Variants in HTR1F observed in about 807,000 individuals in gnomAD.
HTR1F encodes 5-hydroxytryptamine receptor 1F.
In HTR1F, 17 loss-of-function variants were observed where a neutral mutation model predicts 24.0. That is an observed-to-expected ratio of 0.71 (90% confidence interval 0.48 to 1.06). The LOEUF (loss-of-function observed/expected upper bound fraction) is 1.06, where lower values mean the gene tolerates loss of function less well. HTR1F is among the 50% of genes least tolerant of loss of function. The pLI is 0.00. For synonymous variants in HTR1F, 186 were observed against 156.8 expected (o/e 1.19, Z -1.39); for missense variants, 391 against 427.8 (o/e 0.91, Z 0.76).
intron 1 of HTR1F, among the ~76,000 whole-genome samples, chr3:87,813,847 T>G (rs1258973541): frequency 6.6e-6 from 1 of 152,182 alleles, no homozygotes; most frequent in Non-Finnish European, 1.5e-5. Flanking sequence ...AGGATATACC[T>G]GCTTCCCCTT....
intron 1 of HTR1F, among the ~76,000 whole-genome samples, chr3:87,810,791 T>G (rs1704147198): frequency 1.3e-5 from 2 of 152,114 alleles, no homozygotes; most frequent in African/African-American, 4.8e-5. Flanking sequence ...ATCTTGAAAA[T>G]ATGTATGTTC....
At chr3:87,948,543 A>G (rs772440148) in intron 2 of HTR1F, among the ~76,000 whole-genome samples, 1 of 151,610 alleles carries the variant, frequency 6.6e-6, no homozygotes, top group Non-Finnish European at 1.5e-5. Context: ...GTGCAGTCGC[A>G]TAGTCACAGC....
chr3:87,930,680 C>G (rs569263199), intron 2 of HTR1F, among the ~76,000 whole-genome samples: 1 of 152,136 alleles, frequency 6.6e-6, no homozygotes, highest in East Asian at 1.9e-4. Flanking sequence ...CTTCTGGATT[C>G]AGCTTGCCAG....
intron 2 of HTR1F, among the ~76,000 whole-genome samples, chr3:87,844,333 G>C (rs1311326161): frequency 6.9e-6 from 1 of 144,262 alleles, no homozygotes; most frequent in East Asian, 2.0e-4. Flanking sequence ...CTTCTTTTGA[G>C]AAGTGTCTGT....
At chr3:87,912,134 T>TGGCAAACA (rs1703791633) in intron 2 of HTR1F, among the ~76,000 whole-genome samples, 1 of 151,978 alleles carries the variant, frequency 6.6e-6, no homozygotes, top group Non-Finnish European at 1.5e-5. Context: ...TATCCCTGTT[T>TGGCAAACA]GCCAATGACA....
intron 2 of HTR1F, among the ~76,000 whole-genome samples, chr3:87,965,930 A>C (rs1443589980): frequency 2.0e-5 from 3 of 152,180 alleles, no homozygotes; most frequent in African/African-American, 7.2e-5. Context: ...TGGCCTATTA[A>C]ATTCTTTACT....
At chr3:87,907,138 T>C (rs1703683963) in intron 2 of HTR1F, among the ~76,000 whole-genome samples, 5 of 152,092 alleles carry the variant, frequency 3.3e-5, no homozygotes, top group Admixed American at 3.3e-4. Context: ...GTTGTACTAG[T>C]TTACATTCCC....
chr3:87,946,611 GTA>G (rs1178082807), intron 2 of HTR1F, among the ~76,000 whole-genome samples: 100 of 129,924 alleles, frequency 7.7e-4, no homozygotes, highest in African/African-American at 2.2e-3. Flanking sequence ...GTGTGTGTGT[GTA>G]TATATATATA....
chr3:87,915,654 CAAAG>C (rs2107361670), intron 2 of HTR1F, among the ~76,000 whole-genome samples: 1 of 151,844 alleles, frequency 6.6e-6, no homozygotes, highest in African/African-American at 2.4e-5. Context: ...CCAACAAAGA[CAAAG>C]AAAAAAGAAT....
intron 2 of HTR1F, among the ~76,000 whole-genome samples, chr3:87,905,125 T>C (rs1703631583): frequency 6.6e-6 from 1 of 151,620 alleles, no homozygotes. Context: ...CTGAGCAACA[T>C]AGCAAAACCC....
At chr3:87,793,734 G>C (rs943234032) in intron 1 of HTR1F, 2 of 152,182 alleles carry the variant, frequency 1.3e-5, no homozygotes, top group African/African-American at 2.4e-5. Flanking sequence ...TGGGGCCCTG[G>C]ATGAGAGAGC....
At chr3:87,824,597 T>G (rs778600835) in intron 2 of HTR1F, among the ~76,000 whole-genome samples, 5 of 152,190 alleles carry the variant, frequency 3.3e-5, no homozygotes, top group Admixed American at 6.5e-5. Context: ...ACCTTGTGAA[T>G]GAAAGAATGA....
Position 87,850,251 on chromosome 3 carries a change from A to C in HTR1F, c.-43+28127A>C, listed in dbSNP as rs918723446. Among the ~76,000 whole-genome samples, 22 of 152,138 alleles carry C rather than the reference A, an allele frequency of 1.4e-4. No homozygotes were observed. The Middle Eastern group carries it at 0.014, about 94-fold the overall frequency. ...AGACTGGACTAAGAAAATGTGGCAC[A>C]TATACACCATGGAATACTATGCAGC... is the stretch of plus-strand genomic sequence containing the variant. On this transcript the variant is annotated intron_variant, in intron 2 of 2. Transcript: ENST00000319595.
At chr3:87,901,673 C>A (rs1346724730) in intron 2 of HTR1F, among the ~76,000 whole-genome samples, 1 of 151,794 alleles carries the variant, frequency 6.6e-6, no homozygotes, top group Non-Finnish European at 1.5e-5. Context: ...TATAATTGTT[C>A]CTTAATATTA....
chr3:87,885,870 C>T (rs1368795098), intron 2 of HTR1F, among the ~76,000 whole-genome samples: 2 of 151,998 alleles, frequency 1.3e-5, no homozygotes. Context: ...CCAAAAAAAG[C>T]CCAGGACCAG....
In HTR1F at chr3:87,939,209, C is replaced by T. The variant is rs546825965; in HGVS notation, c.-42-51499C>T. Among the ~76,000 whole-genome samples the T allele has an allele frequency of 1.2e-4, 19 of 152,280 alleles. No homozygotes were observed. In the East Asian group the frequency reaches 3.7e-3, roughly 29 times the overall value. Reference sequence around the variant, plus strand: ...TGTGTATTTTGAACCAGCCTTGCATCATAGGGATGAAGCTGACTTGATTGT... The same window carrying T: ...TGTGTATTTTGAACCAGCCTTGCATTATAGGGATGAAGCTGACTTGATTGT... On this transcript the variant is annotated intron_variant, in intron 2 of 2. Transcript: ENST00000319595.
intron 2 of HTR1F, among the ~76,000 whole-genome samples, chr3:87,941,312 C>T (rs1216341547): frequency 6.6e-6 from 1 of 152,136 alleles, no homozygotes; most frequent in Non-Finnish European, 1.5e-5. Flanking sequence ...CTCTTAGTTG[C>T]TTTAGGGTTT....
rs1336111619 is a variant in HTR1F at position 87,845,466 on chromosome 3, G to C, written c.-43+23342G>C. Among the ~76,000 whole-genome samples, 6 of 148,870 alleles carry C rather than the reference G, an allele frequency of 4.0e-5. No individual in the cohort carries two copies. In the East Asian group the frequency reaches 5.9e-4, roughly 15 times the overall value. On this transcript the variant is annotated intron_variant, in intron 2 of 2. Transcript: ENST00000319595. ...AGACAAACAGAGAGCCAAATCATGAGTGAACTCCCATTCACAATTGCTTCA... is the reference window on the plus strand; with the variant it reads ...AGACAAACAGAGAGCCAAATCATGACTGAACTCCCATTCACAATTGCTTCA...
chr3:87,821,945 C>T (rs2919248), intron 1 of HTR1F, among the ~76,000 whole-genome samples, 63 bp from the exon 2 acceptor site: 64,830 of 151,916 alleles, frequency 0.43, 16,540 homozygotes, highest in African/African-American at 0.72. Context: ...GGGTATATTA[C>T]GGCTGGGAAA....
Sources: gnomAD v4.1 joint callset for allele counts (sites outside exome capture counted in the v4.1 genomes callset) on GRCh38, gnomAD v4.1.1 for gene constraint, MANE v1.5 for transcripts, NCBI Gene and HGNC (gene_info 2026-07-23, HGNC 2026-07-21) for gene names.